Variants in CDH4 observed in about 807,000 individuals in gnomAD.
CDH4 encodes the protein cadherin 4, also known as cadherin-4.
CDH4 carries 33 observed loss-of-function variants against 86.0 expected under a neutral mutation model. The ratio of observed to expected loss-of-function variants is 0.38; its 90% CI spans 0.29 to 0.51. CDH4 has a LOEUF of 0.51. CDH4 is among the 20% of genes least tolerant of loss of function. CDH4 has a pLI of 0.86. For missense variants in CDH4, 1,114 were observed against 1,307.4 expected (o/e 0.85, Z 2.28); for synonymous variants, 555 against 549.4 (o/e 1.01, Z -0.14).
chr20:61,808,371 T>TA (rs1036896501), intron 4 of CDH4, among the ~76,000 whole-genome samples: 6 of 151,502 alleles, frequency 4.0e-5, no homozygotes, highest in African/African-American at 9.7e-5. Flanking sequence ...TAAATAAATT[T>TA]AAAAAAATAC....
intron 2 of CDH4, among the ~76,000 whole-genome samples, chr20:61,262,672 C>A: frequency 6.6e-6 from 1 of 152,160 alleles, no homozygotes. Context: ...ACACTAATTT[C>A]AAAATGTGGA....
chr20:61,707,143 G>A (rs1026706558), intron 2 of CDH4, among the ~76,000 whole-genome samples: 1 of 152,250 alleles, frequency 6.6e-6, no homozygotes, highest in South Asian at 2.1e-4. Flanking sequence ...GAGTGCCGGG[G>A]TCCCCATGAG....
chr20:61,303,273 G>A (rs1434572018), intron 2 of CDH4, among the ~76,000 whole-genome samples: 3 of 152,186 alleles, frequency 2.0e-5, no homozygotes, highest in Admixed American at 6.5e-5. Flanking sequence ...CACCAGCCTG[G>A]GTCAAGGAGG....
rs1018925573 is a variant in CDH4 at position 61,543,053 on chromosome 20, A to G, written c.170-200510A>G. On this transcript the variant is annotated intron_variant, in intron 2 of 15. Transcript: ENST00000614565. ...CAGGAAGCATCCGCTCGGGAGAAAG[A>G]TGGAGACCAGAAGACTCAGCCAGTC... Among the ~76,000 whole-genome samples, 9 of 152,232 alleles carry G rather than the reference A, an allele frequency of 5.9e-5. No individual in the cohort carries two copies. In the South Asian group the frequency reaches 1.9e-3, roughly 31 times the overall value.
At chr20:61,595,542 T>C (rs2086551284) in intron 2 of CDH4, among the ~76,000 whole-genome samples, 1 of 152,086 alleles carries the variant, frequency 6.6e-6, no homozygotes, top group Admixed American at 6.5e-5. Context: ...TTGTGTCCCC[T>C]GGAACAAACA....
rs188440728 is a variant in CDH4 at position 61,708,753 on chromosome 20, C to T, written c.170-34810C>T. ...TGAGGCGGCGCTGCCTCTGCGGAGG[C>T]CCCTTCTCTGAGTGTGCATCATGGA... is the stretch of plus-strand genomic sequence containing the variant. On this transcript the variant is annotated intron_variant, in intron 2 of 15. Coordinates refer to ENST00000614565, the MANE Select transcript of CDH4 (RefSeq NM_001794.5). The surrounding 1 kb of genome is among the most constrained non-coding windows in gnomAD (Gnocchi z 4.5). 6.6e-6 allele frequency among the ~76,000 whole-genome samples: 1 copy of T among 152,222 alleles called. No homozygotes were observed. The highest frequency in any genetic ancestry group is 1.5e-5 in the Non-Finnish European group (1 of 68,050).
chr20:61,802,761 G>A (rs372219216), intron 4 of CDH4, among the ~76,000 whole-genome samples: 14 of 152,206 alleles, frequency 9.2e-5, no homozygotes, highest in African/African-American at 2.9e-4. Flanking sequence ...TAGACGGGGC[G>A]ATGCCTGGGA....
chr20:61,661,802 C>G (rs2087260522), intron 2 of CDH4, among the ~76,000 whole-genome samples: 1 of 152,082 alleles, frequency 6.6e-6, no homozygotes, highest in Non-Finnish European at 1.5e-5. Context: ...TGACGCGGCT[C>G]GTATGACAGG....
intron 2 of CDH4, among the ~76,000 whole-genome samples, chr20:61,568,745 C>T (rs1159661260): frequency 1.3e-5 from 2 of 152,232 alleles, no homozygotes; most frequent in African/African-American, 2.4e-5. Context: ...TAATGGGGCT[C>T]TCCTGACTTC....
chr20:61,440,865 C>A (rs1381555577), intron 2 of CDH4, among the ~76,000 whole-genome samples: 1 of 152,190 alleles, frequency 6.6e-6, no homozygotes, highest in East Asian at 1.9e-4. Context: ...TGTCTAAATG[C>A]CACTGCCCTC....
rs1221354275 is a variant in CDH4, at chr20:61,348,465, GA to G, written c.169+93529del. 2.0e-5 allele frequency among the ~76,000 whole-genome samples: 3 copies of G among 152,204 alleles called. No homozygotes were observed. The East Asian group carries it at 5.8e-4, about 29-fold the overall frequency. On this transcript the variant is annotated intron_variant, in intron 2 of 15. Coordinates refer to ENST00000614565, the MANE Select transcript of CDH4 (RefSeq NM_001794.5). ...GGACATAGCCAGACCATATCAATAG[GA>G]GACAAGGGAACTGTTGCCAGCGGTT...
At chr20:61,277,657 T>G (rs962466095) in intron 2 of CDH4, among the ~76,000 whole-genome samples, 2 of 152,234 alleles carry the variant, frequency 1.3e-5, no homozygotes, top group Non-Finnish European at 2.9e-5. Flanking sequence ...ACCTGTGTAT[T>G]CGGGCTTGCT....
chr20:61,628,450 C>T (rs943250187), intron 2 of CDH4, among the ~76,000 whole-genome samples: 2 of 152,210 alleles, frequency 1.3e-5, no homozygotes, highest in African/African-American at 4.8e-5. Context: ...TTCATTCATT[C>T]ATTCCTCTGC....
rs112652662 is a variant in CDH4, at chr20:61,755,802, T to C, written c.396+12013T>C. ...CACACCACACACACACACCACACAT[T>C]TACACGTACGCACATTCCACACAGT... On this transcript the variant is annotated intron_variant, in intron 3 of 15. Coordinates refer to ENST00000614565, the MANE Select transcript of CDH4 (RefSeq NM_001794.5). Among the ~76,000 whole-genome samples the C allele has an allele frequency of 3.8e-3, 585 of 151,966 alleles. 1 individual carries two copies. The highest frequency in any genetic ancestry group is 0.013 in the African/African-American group (551 of 41,438).
At chr20:61,585,982 A>ATTG (rs2086468471) in intron 2 of CDH4, among the ~76,000 whole-genome samples, 2 of 141,004 alleles carry the variant, frequency 1.4e-5, no homozygotes, top group Admixed American at 1.4e-4. Context: ...TGATGTGATG[A>ATTG]TGATGGTGAT....
chr20:61,368,898 G>A (rs755281618), intron 2 of CDH4, among the ~76,000 whole-genome samples: 1 of 152,104 alleles, frequency 6.6e-6, no homozygotes, highest in South Asian at 2.1e-4. Flanking sequence ...ACTGGTAATT[G>A]AACAAATCAG....
At chr20:61,546,161 T>C (rs1233971703) in intron 2 of CDH4, among the ~76,000 whole-genome samples, 3 of 102,448 alleles carry the variant, frequency 2.9e-5, no homozygotes, top group Middle Eastern at 5.7e-3. Context: ...TTCGTGAGGG[T>C]GTGTGCCTGT....
At chr20:61,554,595 G>A (rs1465484604) in intron 2 of CDH4, among the ~76,000 whole-genome samples, 2 of 152,252 alleles carry the variant, frequency 1.3e-5, no homozygotes, top group African/African-American at 4.8e-5. Context: ...CAGCCAGGCT[G>A]ACAACAGGTC....
intron 2 of CDH4, among the ~76,000 whole-genome samples, chr20:61,711,531 T>C (rs2087893277): frequency 6.6e-6 from 1 of 152,172 alleles, no homozygotes; most frequent in African/African-American, 2.4e-5. Context: ...GCACAGCCTC[T>C]CCCATCTCCC....
Sources: gnomAD v4.1 joint callset for allele counts (sites outside exome capture counted in the v4.1 genomes callset) on GRCh38, gnomAD v4.1.1 for gene constraint, Gnocchi (gnomAD v3.1) non-coding constraint, MANE v1.5 for transcripts, NCBI Gene and HGNC (gene_info 2026-07-23, HGNC 2026-07-21) for gene names.